Variants in GAP43 observed in about 807,000 individuals in gnomAD.
GAP43 encodes growth associated protein 43.
GAP43 carries 6 observed loss-of-function variants against 18.6 expected under a neutral mutation model. The ratio of observed to expected loss-of-function variants is 0.32; its 90% CI spans 0.18 to 0.64. The LOEUF is 0.64. Ranked by LOEUF, GAP43 falls within the 30% of genes least tolerant of loss-of-function variation. GAP43 has a pLI of 0.78. For missense variants in GAP43, 292 were observed against 295.5 expected, an observed-to-expected ratio of 0.99 and a Z score of 0.09; for synonymous variants, 115 against 111.4, an observed-to-expected ratio of 1.03 and a Z score of -0.20.
At chr3:115,673,794 GAGA>G (rs1345671164) in intron 1 of GAP43, among the ~76,000 whole-genome samples, 1 of 152,196 alleles carries the variant, frequency 6.6e-6, no homozygotes, top group African/African-American at 2.4e-5. Flanking sequence ...GTGGAGGAGG[GAGA>G]AGGATGGGCC....
chr3:115,681,567 C>T (rs1708958127), intron 2 of GAP43, among the ~76,000 whole-genome samples: 1 of 152,182 alleles, frequency 6.6e-6, no homozygotes, highest in African/African-American at 2.4e-5. Flanking sequence ...CTCAGTATTT[C>T]TACCAACCAG....
chr3:115,719,343 G>A (rs899887715), intron 2 of GAP43, among the ~76,000 whole-genome samples: 2 of 152,072 alleles, frequency 1.3e-5, no homozygotes, highest in Non-Finnish European at 2.9e-5. Flanking sequence ...GTTGACCATT[G>A]GCTGGCATCT....
chr3:115,673,557 G>T (rs910597566), intron 1 of GAP43, among the ~76,000 whole-genome samples: 2 of 152,208 alleles, frequency 1.3e-5, no homozygotes, highest in African/African-American at 4.8e-5. Flanking sequence ...ATAAGATGGT[G>T]CTTCATTCAG....
At chr3:115,676,673 C>T (rs1277431343) in intron 2 of GAP43, 63 bp downstream of exon 2, 7 of 1,442,016 alleles carry the variant, frequency 4.9e-6, no homozygotes, top group Non-Finnish European at 6.4e-6. Context: ...ATTCGGAAGA[C>T]CAGGCCACCT....
rs888070051 is a variant in GAP43, at chr3:115,644,093, C to T, written c.30+20374C>T. 2.6e-5 allele frequency among the ~76,000 whole-genome samples: 4 copies of T among 151,916 alleles called. No individual in the cohort carries two copies. The highest frequency in any genetic ancestry group is 9.7e-5 in the African/African-American group (4 of 41,374). On this transcript the variant is annotated intron_variant, in intron 1 of 2. Coordinates refer to ENST00000305124, the MANE Select transcript of GAP43 (RefSeq NM_002045.4). This position sits in a 1 kb window ranked among gnomAD's most constrained non-coding sequence, Gnocchi z 4.2. ...AAGGTATGTGATGCAGCGGATTTCC[C>T]AAGAGTGATGAAAGAAGAATTTGGT...
At chr3:115,626,868 G>A (rs1464386946) in intron 1 of GAP43, among the ~76,000 whole-genome samples, 1 of 151,986 alleles carries the variant, frequency 6.6e-6, no homozygotes, top group Non-Finnish European at 1.5e-5. Context: ...GCCTTTCCTT[G>A]CAGTGTTGGG....
At chr3:115,702,063 A>G (rs1709303706) in intron 2 of GAP43, among the ~76,000 whole-genome samples, 1 of 152,096 alleles carries the variant, frequency 6.6e-6, no homozygotes, top group African/African-American at 2.4e-5. Context: ...TTACACTTGT[A>G]GAGATAATGG....
chr3:115,651,996 C>A (rs1708523921), intron 1 of GAP43, among the ~76,000 whole-genome samples: 1 of 152,052 alleles, frequency 6.6e-6, no homozygotes, highest in African/African-American at 2.4e-5. Context: ...ATTTTTAATT[C>A]TCTTAATTAG....
intron 2 of GAP43, among the ~76,000 whole-genome samples, chr3:115,710,251 C>G (rs1709416638): frequency 8.2e-6 from 1 of 121,714 alleles, no homozygotes; most frequent in Non-Finnish European, 1.7e-5. Flanking sequence ...AATTATTCAC[C>G]TACTCTTTTT....
chr3:115,638,023 A>G (rs1353862342), intron 1 of GAP43, among the ~76,000 whole-genome samples: 4 of 152,086 alleles, frequency 2.6e-5, no homozygotes, highest in Non-Finnish European at 5.9e-5. Context: ...TAAACAAAAG[A>G]AAGAAATATG....
At chr3:115,720,166 TG>T in intron 2 of GAP43, among the ~76,000 whole-genome samples, 1 of 152,272 alleles carries the variant, frequency 6.6e-6, no homozygotes, top group African/African-American at 2.4e-5. Flanking sequence ...CCATCCTTAG[TG>T]TATAGTTTTT....
chr3:115,626,579 G>A (rs1041893030), intron 1 of GAP43, among the ~76,000 whole-genome samples: 2 of 152,028 alleles, frequency 1.3e-5, no homozygotes, highest in African/African-American at 4.8e-5. Flanking sequence ...AAATATCTTG[G>A]GGCTTACTTT....
chr3:115,709,844 C>CATATATATAT (rs149885836), intron 2 of GAP43, among the ~76,000 whole-genome samples: 1,706 of 147,988 alleles, frequency 0.012, 27 homozygotes, highest in African/African-American at 0.04. Flanking sequence ...CATGAACATA[C>CATATATATAT]ATATATATAT....
intron 1 of GAP43, among the ~76,000 whole-genome samples, chr3:115,640,449 C>T (rs1236162508): frequency 6.6e-6 from 1 of 151,988 alleles, no homozygotes; most frequent in Non-Finnish European, 1.5e-5. Context: ...TTTGCTATTC[C>T]ACTTATCTGG....
chr3:115,629,279 A>G (rs1394165297), intron 1 of GAP43, among the ~76,000 whole-genome samples: 1 of 152,164 alleles, frequency 6.6e-6, no homozygotes, highest in African/African-American at 2.4e-5. Context: ...AAATAACACC[A>G]CAGCTATCTT....
intron 2 of GAP43, among the ~76,000 whole-genome samples, chr3:115,705,859 AGCAGGAG>A (rs1577001143): frequency 6.6e-6 from 1 of 152,210 alleles, no homozygotes; most frequent in African/African-American, 2.4e-5. Context: ...TCCAAAATGC[AGCAGGAG>A]GAATTGTAGA....
At chr3:115,683,124 T>TGCGCGCGTGCGCGC (rs1553723452) in intron 2 of GAP43, among the ~76,000 whole-genome samples, 2 of 113,792 alleles carry the variant, frequency 1.8e-5, no homozygotes, top group African/African-American at 3.1e-5. Context: ...TACATACATG[T>TGCGCGCGTGCGCGC]GCGCGCGCGT....
chr3:115,638,728 C>A (rs1037477825), intron 1 of GAP43, among the ~76,000 whole-genome samples: 1 of 151,372 alleles, frequency 6.6e-6, no homozygotes, highest in African/African-American at 2.4e-5. Context: ...TCTGTAATGT[C>A]TTCCTTCCTC....
intron 1 of GAP43, among the ~76,000 whole-genome samples, chr3:115,629,200 T>C (rs1708230110): frequency 6.6e-6 from 1 of 152,228 alleles, no homozygotes. Context: ...TCATGACTAC[T>C]CATCTGGACA....
Sources: gnomAD v4.1 joint callset for allele counts (sites outside exome capture counted in the v4.1 genomes callset) on GRCh38, gnomAD v4.1.1 for gene constraint, Gnocchi (gnomAD v3.1) non-coding constraint, MANE v1.5 for transcripts, NCBI Gene and HGNC (gene_info 2026-07-23, HGNC 2026-07-21) for gene names.